TTC23L: variants seen among roughly 807,000 people sequenced by gnomAD.
TTC23L encodes the protein tetratricopeptide repeat protein 23-like.
Under a neutral mutation model 48.1 loss-of-function variants are expected in TTC23L, and 42 were observed. The observed-to-expected ratio is 0.87, with a 90% confidence interval of 0.68 to 1.13. The LOEUF is 1.13. Ranked by LOEUF, TTC23L falls within the 50% of genes most tolerant of loss-of-function variation. The pLI, the probability that TTC23L is intolerant of heterozygous loss-of-function variation, is 0.00. For synonymous variants in TTC23L, 159 were observed against 157.2 expected (o/e 1.01, Z -0.09); for missense variants, 391 against 421.0 (o/e 0.93, Z 0.62).
the TTC23L span, chr5:34,907,043 G>C: frequency 5.9e-5 from 9 of 152,110 alleles, no homozygotes; most frequent in African/African-American, 1.7e-4. Flanking sequence ...CTGAGATTGA[G>C]ACACTTACTA....
chr5:34,902,398 A>G, downstream of TTC23L: 1 of 394,410 alleles, frequency 2.5e-6, no homozygotes, highest in Admixed American at 2.5e-5. Context: ...ACTGGGTGAC[A>G]AGAGCAAAAC....
At chr5:34,874,733 A>C (rs75915906) in intron 8 of TTC23L, among the ~76,000 whole-genome samples, 6 of 151,930 alleles carry the variant, frequency 3.9e-5, no homozygotes, top group African/African-American at 1.4e-4. Context: ...TAAAAAAAAA[A>C]TAAATAAATA....
the TTC23L span, chr5:34,918,817 CTT>C: frequency 1.1e-3 from 146 of 132,312 alleles, no homozygotes; most frequent in Middle Eastern, 3.7e-3. Flanking sequence ...CTTTTTGGGC[CTT>C]TTTTTTTTTT....
chr5:34,885,889 G>T (rs548503618), intron 9 of TTC23L, among the ~76,000 whole-genome samples: 1 of 152,024 alleles, frequency 6.6e-6, no homozygotes, highest in Non-Finnish European at 1.5e-5. Context: ...TAAAGCAAAC[G>T]TGGCAAAATT....
chr5:34,891,340 C>T (rs879751672), intron 9 of TTC23L, among the ~76,000 whole-genome samples: 6 of 152,292 alleles, frequency 3.9e-5, no homozygotes, highest in Admixed American at 6.5e-5. Flanking sequence ...CTCCTTGAAC[C>T]TTGTTTTCCA....
chr5:34,918,242 G>A, the TTC23L span: 5 of 531,852 alleles, frequency 9.4e-6, no homozygotes, highest in South Asian at 1.5e-4. Flanking sequence ...TTGAGCCCAG[G>A]AACTTGAAAC....
At chr5:34,840,112 G>A (rs1335487207) in intron 1 of TTC23L, among the ~76,000 whole-genome samples, 1 of 151,874 alleles carries the variant, frequency 6.6e-6, no homozygotes, top group Admixed American at 6.6e-5. Flanking sequence ...GGCTGGTCTC[G>A]AACTCCTGAA....
intron 9 of TTC23L, among the ~76,000 whole-genome samples, chr5:34,891,534 A>T (rs13183939): frequency 0.29 from 43,941 of 152,190 alleles, 8,053 homozygotes; most frequent in Non-Finnish European, 0.41. Context: ...AGTTCAGAAT[A>T]TTTGAAATCA....
At chr5:34,861,256 A>T (rs10077404) in intron 4 of TTC23L, 232 of 153,616 alleles carry the variant, frequency 1.5e-3, no homozygotes, top group Non-Finnish European at 1.8e-3. Context: ...GTGAGCCACC[A>T]CGCCCAGCCA....
intron 2 of TTC23L, among the ~76,000 whole-genome samples, chr5:34,842,739 G>A (rs906785316): frequency 8.5e-5 from 13 of 152,200 alleles, no homozygotes; most frequent in African/African-American, 3.1e-4. Context: ...AGGAGCACTC[G>A]TGAGTTTGCT....
downstream of TTC23L, among the ~76,000 whole-genome samples, chr5:34,901,391 G>C (rs1763507522): frequency 6.6e-6 from 1 of 152,182 alleles, no homozygotes; most frequent in Admixed American, 6.5e-5. Flanking sequence ...TGAACCTTCT[G>C]AAACACTTAC....
Position 34,877,159 on chromosome 5 carries a change from G to C in TTC23L, c.950-3022G>C, listed in dbSNP as rs572978224. On this transcript the variant is annotated intron_variant, in intron 8 of 10. Transcript: ENST00000505624. ...ATCGCAGGTATGCAAGGCCAGTCCA[G>C]TATTTGAGACTCAATCAATGCATCA... 1.8e-4 allele frequency among the ~76,000 whole-genome samples: 27 copies of C among 152,256 alleles called. No homozygotes were observed. The South Asian group carries it at 2.1e-3, about 12-fold the overall frequency.
intron 9 of TTC23L, among the ~76,000 whole-genome samples, chr5:34,889,109 T>C (rs987112935): frequency 6.6e-6 from 1 of 152,200 alleles, no homozygotes; most frequent in Non-Finnish European, 1.5e-5. Flanking sequence ...CTCAGAATAG[T>C]ATTGACCTCG....
intron 9 of TTC23L, among the ~76,000 whole-genome samples, chr5:34,896,387 C>T (rs1045468835): frequency 6.6e-6 from 1 of 152,186 alleles, no homozygotes; most frequent in Non-Finnish European, 1.5e-5. Context: ...ACTTCTACCA[C>T]ATACTTGCTG....
At chr5:34,909,216 T>C in the TTC23L span, 1 of 1,395,868 alleles carries the variant, frequency 7.2e-7, no homozygotes, top group East Asian at 2.3e-5. Flanking sequence ...GTATTTAACC[T>C]CCTCTTTATC....
chr5:34,882,449 A>C (rs1762281127), intron 9 of TTC23L, among the ~76,000 whole-genome samples: 1 of 152,228 alleles, frequency 6.6e-6, no homozygotes, highest in African/African-American at 2.4e-5. Flanking sequence ...ACTAACTGGC[A>C]CATAGAAGAT....
In TTC23L at chr5:34,863,098, G is replaced by A. The variant is rs769059339; in HGVS notation, c.536+44G>A. 3 of 1,608,914 alleles carry A rather than the reference G, an allele frequency of 1.9e-6. No homozygotes were observed. In the Admixed American group the frequency reaches 5.0e-5, roughly 27 times the overall value. The stretch of plus-strand genomic sequence containing the variant: ...CTGCGTTTAGTGTTCGGGGCCACAG[G>A]CCACACATGCCAGATGGGTCATCTC... On this transcript the variant is annotated intron_variant, in intron 5 of 10. Coordinates refer to ENST00000505624, the Ensembl canonical transcript of TTC23L. The surrounding 1 kb of genome is among the most constrained non-coding windows in gnomAD (Gnocchi z 4.1).
At chr5:34,845,043 C>A (rs889502508) in intron 2 of TTC23L, among the ~76,000 whole-genome samples, 1 of 152,180 alleles carries the variant, frequency 6.6e-6, no homozygotes, top group African/African-American at 2.4e-5. Flanking sequence ...TGGGGATCCT[C>A]CAGTTCAACA....
At chr5:34,879,285 A>G (rs1180178370) in intron 8 of TTC23L, among the ~76,000 whole-genome samples, 2 of 152,232 alleles carry the variant, frequency 1.3e-5, no homozygotes, top group Admixed American at 6.5e-5. Context: ...TGCAATTTAT[A>G]CATGTAACAG....
Sources: gnomAD v4.1 joint callset for allele counts (sites outside exome capture counted in the v4.1 genomes callset) on GRCh38, gnomAD v4.1.1 for gene constraint, Gnocchi (gnomAD v3.1) non-coding constraint, MANE v1.5 for transcripts, NCBI Gene and HGNC (gene_info 2026-07-23, HGNC 2026-07-21) for gene names.